Variants in LRRC73 observed in about 807,000 individuals in gnomAD.
LRRC73 encodes the protein leucine-rich repeat-containing protein 73.
LRRC73 carries 16 observed loss-of-function variants against 26.4 expected under a neutral mutation model. The observed-to-expected ratio is 0.61, with a 90% CI of 0.41 to 0.92. The LOEUF (loss-of-function observed/expected upper bound fraction) is 0.92. Among genes scored for constraint, LRRC73 ranks in the 40% least tolerant of loss-of-function variants. The probability of loss-of-function intolerance (pLI) is 0.00; values close to 1 mark genes in which losing one functional copy is unlikely to be tolerated. For synonymous variants in LRRC73, 210 were observed against 179.8 expected (o/e 1.17, Z -1.34); for missense variants, 344 against 416.3 (o/e 0.83, Z 1.51).
At chr6:43,508,637 G>A in intron 2 of LRRC73, 123 bp downstream of exon 2, 1 of 1,435,512 alleles carries the variant, frequency 7.0e-7, no homozygotes, top group Non-Finnish European at 9.5e-7. Flanking sequence ...GCCCCTTCCT[G>A]AGAGGAGTAG....
exon 4 of LRRC73, chr6:43,507,892 C>T: frequency 6.2e-7 from 1 of 1,613,928 alleles, no homozygotes; most frequent in Non-Finnish European, 8.5e-7. Context: ...GACTAGAGGC[C>T]ACAGCTACAG....
intron 1 of LRRC73, 92 bp from the exon 2 acceptor site, chr6:43,509,012 G>T: frequency 7.5e-7 from 1 of 1,340,756 alleles, no homozygotes; most frequent in Non-Finnish European, 9.9e-7. Context: ...CCTAGGTATG[G>T]GGAGGGCAGT....
In LRRC73 at chr6:43,508,279, G is replaced by A; in HGVS notation, c.556+19C>T. The A allele has an allele frequency of 1.2e-6, 2 of 1,602,682 alleles. No homozygotes were observed. The highest frequency in any genetic ancestry group is 1.7e-6 in the Non-Finnish European group (2 of 1,173,852). On this transcript the variant is annotated intron_variant, in intron 3 of 5. Transcript: ENST00000372441. ...GGCATGAGGCAGTGACAGCCCAAGG[G>A]GGTATTCTTGAGCCTCACCCAGGGG...
At chr6:43,507,188 G>A (rs748227406) in exon 6 of LRRC73, 16 of 1,598,140 alleles carry the variant, frequency 1.0e-5, no homozygotes, top group Non-Finnish European at 1.4e-5. Context: ...CTGGGGCAAG[G>A]TGCTCGGGAC....
intron 3 of LRRC73, 127 bp downstream of exon 3, chr6:43,508,171 T>C: frequency 7.3e-7 from 1 of 1,369,838 alleles, no homozygotes; most frequent in Non-Finnish European, 9.8e-7. Context: ...GCTATCTCCT[T>C]GACCCCTGGG....
intron 1 of LRRC73, 73 bp downstream of exon 1, chr6:43,509,441 G>A: frequency 1.3e-6 from 2 of 1,503,186 alleles, no homozygotes; most frequent in South Asian, 1.3e-5. Context: ...GGAGTGTGGA[G>A]GAACAGGAGG....
At chr6:43,509,029 G>C (rs7746420) in intron 1 of LRRC73, 109 bp from the exon 2 acceptor site, 103,111 of 1,126,776 alleles carry the variant, frequency 0.092, 11,726 homozygotes, top group African/African-American at 0.53. Context: ...CAGTCACAGC[G>C]CTTGAGAGGC....
exon 1 of LRRC73, chr6:43,510,033 C>T (rs1792616880): frequency 6.8e-6 from 2 of 295,670 alleles, no homozygotes; most frequent in Non-Finnish European, 6.2e-6. Context: ...GCGGGCCGGG[C>T]TGAAGTGGGG....
At chr6:43,508,729 TAGCCCA>T in intron 2 of LRRC73, 25 bp downstream of exon 2, 2 of 1,570,968 alleles carry the variant, frequency 1.3e-6, no homozygotes, top group Non-Finnish European at 8.7e-7. Context: ...ACTGCCACAC[TAGCCCA>T]AGCCCTCAAC....
exon 1 of LRRC73, chr6:43,509,620 T>G: frequency 1.9e-6 from 3 of 1,605,154 alleles, no homozygotes; most frequent in Non-Finnish European, 2.5e-6. Flanking sequence ...GCCAGGGACG[T>G]GGCCCCGGCC....
exon 1 of LRRC73, chr6:43,509,888 G>GGGGCCC: frequency 1.8e-6 from 2 of 1,103,114 alleles, no homozygotes; most frequent in Non-Finnish European, 2.4e-6. Context: ...GGCAGGGGTC[G>GGGGCCC]CGGGCGGAGT....
chr6:43,509,602 T>G, exon 1 of LRRC73: 2 of 1,607,662 alleles, frequency 1.2e-6, no homozygotes, highest in Non-Finnish European at 1.7e-6. Flanking sequence ...AGGTTAAGGT[T>G]GAGCTGCGCC....
chr6:43,509,616 G>A (rs1792603921), exon 1 of LRRC73: 2 of 1,605,880 alleles, frequency 1.2e-6, no homozygotes, highest in Non-Finnish European at 1.7e-6. Flanking sequence ...CTGCGCCAGG[G>A]ACGTGGCCCC....
At chr6:43,510,338 G>A (rs572927965) in exon 1 of LRRC73, 3 of 152,540 alleles carry the variant, frequency 2.0e-5, no homozygotes, top group Admixed American at 6.5e-5. Flanking sequence ...TCCGGCTCCA[G>A]CTCCAGAGAG....
exon 6 of LRRC73, chr6:43,506,974 TC>T (rs1219927728): frequency 4.0e-6 from 2 of 494,380 alleles, no homozygotes; most frequent in Non-Finnish European, 7.4e-6. Flanking sequence ...GTTGTGGAGT[TC>T]ATAAAATCTT....
In LRRC73 at chr6:43,507,321, AGAG is replaced by A. The variant is rs1360510852; in HGVS notation, c.881-16_881-14del. 6.2e-7 allele frequency: 1 copy of A among 1,613,844 alleles called. No individual in the cohort carries two copies. The highest frequency in any genetic ancestry group is 1.3e-5 in the African/African-American group (1 of 74,930). On this transcript the variant is annotated splice_polypyrimidine_tract_variant and intron_variant, in intron 5 of 5. Coordinates refer to ENST00000372441, the Ensembl canonical transcript of LRRC73. ...TGAGAGCTGGGATCTGTGGAAGGGC[AGAG>A]AAGTGTTCAGACCACCATTCCTTCC...
exon 5 of LRRC73, chr6:43,507,509 C>T (rs770135705): frequency 6.8e-6 from 11 of 1,613,264 alleles, no homozygotes; most frequent in Admixed American, 1.7e-5. Context: ...AGGCTCCCGC[C>T]CTCTCTCCCA....
At chr6:43,507,515 T>C in exon 5 of LRRC73, 1 of 1,613,382 alleles carries the variant, frequency 6.2e-7, no homozygotes, top group Non-Finnish European at 8.5e-7. Flanking sequence ...CCGCCCTCTC[T>C]CCCATTCCTG....
chr6:43,507,187 G>C, exon 6 of LRRC73: 1 of 1,596,836 alleles, frequency 6.3e-7, no homozygotes, highest in Non-Finnish European at 8.6e-7. Context: ...TCTGGGGCAA[G>C]GTGCTCGGGA....
Sources: allele counts gnomAD v4.1 joint callset, GRCh38; gene constraint gnomAD v4.1.1; transcripts MANE v1.5; gene names NCBI Gene and HGNC (gene_info 2026-07-23, HGNC 2026-07-21).